STK11IP: variants seen among roughly 807,000 people sequenced by gnomAD.
STK11IP encodes serine/threonine kinase 11 interacting protein, also known as serine/threonine-protein kinase 11-interacting protein.
STK11IP carries 103 observed loss-of-function variants against 131.7 expected under a neutral mutation model. That is an observed-to-expected ratio of 0.78 (90% CI 0.67 to 0.92). The LOEUF is 0.92. Among genes scored for constraint, STK11IP ranks in the 40% least tolerant of loss-of-function variants. The pLI, the probability that STK11IP is intolerant of heterozygous loss-of-function variation, is 0.00. For synonymous variants in STK11IP, 557 were observed against 575.6 expected (o/e 0.97, Z 0.46); for missense variants, 1,315 against 1,385.7 (o/e 0.95, Z 0.81).
intron 17 of STK11IP, 191 bp downstream of exon 17, chr2:219,609,731 G>T: frequency 1.8e-6 from 1 of 558,822 alleles, no homozygotes; most frequent in Non-Finnish European, 3.0e-6. Context: ...AAAAAAAGAA[G>T]AAACTATATC....
chr2:219,607,062 C>G lies in STK11IP; in HGVS notation c.1144C>G (p.Arg382Gly). ...PLLHKVKSRV[R>G]VRRASISEPS... ...CCTCCACCAACCTCAGAGCCGAGTC[C>G]GTGTGAGGCGGGCAAGCATCTCTGA... The change falls in exon 13 of 25, where the codon CGT becomes GGT. Residue 382 changes from arginine to glycine, a missense_variant. Arg to Gly is a moderately radical substitution (Grantham distance 125). Coordinates refer to ENST00000456909, the MANE Select transcript of STK11IP (RefSeq NM_052902.4). 1 of 1,613,894 alleles carries G rather than the reference C, an allele frequency of 6.2e-7. No homozygotes were observed. The highest frequency in any genetic ancestry group is 1.3e-5 in the African/African-American group (1 of 75,032).
At chr2:219,612,495 C>T (rs114005520) in intron 19 of STK11IP, among the ~76,000 whole-genome samples, 5 of 152,332 alleles carry the variant, frequency 3.3e-5, no homozygotes, top group South Asian at 4.1e-4. Context: ...ATGCTGTAAT[C>T]GGGCTAAGGC....
At position 219,611,606 on chromosome 2, in the gene STK11IP, TCTC is replaced by T; in HGVS notation, c.2110_2112del (p.Pro704del). 2 of 1,610,078 alleles carry T rather than the reference TCTC, an allele frequency of 1.2e-6. No individual in the cohort carries two copies. Among genetic ancestry groups the T allele is most frequent in the Non-Finnish European group, 1.7e-6 (2 of 1,177,294 alleles). ...GACCGTGTCCATCCTCCCTCCAGAATCTCCTGCTGTGTGTCCTAACTGTGGTAG... is the reference window on the plus strand; with the variant it reads ...GACCGTGTCCATCCTCCCTCCAGAATCTGCTGTGTGTCCTAACTGTGGTAG... On this transcript the variant is annotated inframe_deletion, in exon 18 of 25. Transcript: ENST00000456909.
At chr2:219,611,212 A>G (rs913485132) in intron 17 of STK11IP, among the ~76,000 whole-genome samples, 2 of 152,218 alleles carry the variant, frequency 1.3e-5, no homozygotes, top group African/African-American at 4.8e-5. Flanking sequence ...TTGGCAACAG[A>G]GTTCTCTGCC....
chr2:219,605,189 C>T (rs1465088749), intron 7 of STK11IP, among the ~76,000 whole-genome samples: 1 of 152,118 alleles, frequency 6.6e-6, no homozygotes, highest in Non-Finnish European at 1.5e-5. Flanking sequence ...GGGCCTTGAG[C>T]AGAGCTGGGG....
chr2:219,604,390 C>T (rs1179031082), intron 7 of STK11IP, among the ~76,000 whole-genome samples: 2 of 152,102 alleles, frequency 1.3e-5, no homozygotes, highest in Non-Finnish European at 2.9e-5. Context: ...AAGGTGAGAA[C>T]CTCCTCTAAT....
At chr2:219,599,058 G>A (rs140736068) in intron 2 of STK11IP, among the ~76,000 whole-genome samples, 26 of 152,234 alleles carry the variant, frequency 1.7e-4, no homozygotes, top group African/African-American at 6.0e-4. Context: ...GACGATATCT[G>A]TGGAAGCTCT....
In STK11IP at chr2:219,598,090, C is replaced by T. The variant is rs767917397; in HGVS notation, c.-26-4C>T. 3 of 1,584,164 alleles carry T rather than the reference C, an allele frequency of 1.9e-6. No individual in the cohort carries two copies. The highest frequency in any genetic ancestry group is 1.4e-5 in the African/African-American group (1 of 73,588). On this transcript the variant is annotated splice_region_variant and splice_polypyrimidine_tract_variant and intron_variant, in intron 1 of 24. Coordinates refer to ENST00000456909, the MANE Select transcript of STK11IP (RefSeq NM_052902.4). ...GCTCTTCCGCTTCCTCTTTCCCCCC[C>T]CAGGCTCCGCCCCCCAGCGTCCCGT...
At chr2:219,611,279 T>C (rs543523091) in intron 17 of STK11IP, among the ~76,000 whole-genome samples, 1 of 152,302 alleles carries the variant, frequency 6.6e-6, no homozygotes, top group East Asian at 1.9e-4. Context: ...CCTGAAGTAC[T>C]TGATCAGCCC....
At position 219,606,279 on chromosome 2, in the gene STK11IP, G is replaced by T; in HGVS notation, c.934G>T (p.Ala312Ser). Reference protein sequence around the residue: ...AQYLSPRARDAATGFLLDGKV... With the variant: ...AQYLSPRARDSATGFLLDGKV... ...GTACTTGTCACCCCGGGCCAGGGAT[G>T]CTGCTACTGGCGTGAGTGATCGTCC... is the stretch of plus-strand genomic sequence containing the variant. The change falls in exon 10 of 25, where the codon GCT becomes TCT. Residue 312 changes from alanine to serine, a missense_variant. Transcript: ENST00000456909. The T allele has an allele frequency of 6.4e-7, 1 of 1,566,156 alleles. No homozygotes were observed. Among genetic ancestry groups the T allele is most frequent in the Non-Finnish European group, 8.7e-7 (1 of 1,155,046 alleles).
Position 219,616,290 on chromosome 2 carries a change from T to G in STK11IP, c.*97T>G, listed in dbSNP as rs916714195. On this transcript the variant is annotated 3_prime_UTR_variant, in exon 25 of 25. Coordinates refer to ENST00000456909, the MANE Select transcript of STK11IP (RefSeq NM_052902.4). The stretch of plus-strand genomic sequence containing the variant: ...CTGGCTTCCAGGCTCTGGCTGTGGA[T>G]GTCTTCAGCCTCTGGGTGCTGGCCA... 4 of 1,449,164 alleles carry G rather than the reference T, an allele frequency of 2.8e-6. No homozygotes were observed. The highest frequency in any genetic ancestry group is 4.7e-5 in the Admixed American group (2 of 42,576). The allele number at this position is 1,449,164 out of a possible 1,614,324, so 89.8% of individuals were successfully genotyped here. A position where few individuals can be genotyped will look rare whatever the true frequency, so the allele number is the denominator to read the frequency against.
At position 219,616,086 on chromosome 2, in the gene STK11IP, C is replaced by T; in HGVS notation, c.3160C>T (p.Gln1054Ter). The T allele has an allele frequency of 6.2e-7, 1 of 1,613,892 alleles. No homozygotes were observed. The highest frequency in any genetic ancestry group is 2.2e-5 in the East Asian group (1 of 44,884). Residue 1054 changes from glutamine (Q) to a stop codon, truncating the protein, a stop_gained, in exon 25 of 25, where the codon CAG becomes TAG. Coordinates refer to ENST00000456909, the MANE Select transcript of STK11IP (RefSeq NM_052902.4). LOFTEE classifies it high-confidence loss of function. ...ESFWALRVVC[Q>*]EQLTALLAWI... is the part of the protein sequence containing the mutation. ...CTTTTGGGCACTCCGTGTGGTGTGT[C>T]AGGAGCAGCTGACAGCCCTGCTTGC... is the stretch of plus-strand genomic sequence containing the variant.
In STK11IP at chr2:219,601,293, G is replaced by C. The variant is rs774957017; in HGVS notation, c.120G>C (p.Gln40His). The stretch of plus-strand genomic sequence containing the variant: ...GCCTGCTGACTCCCACACTGCAACA[G>C]CTGAACCACGTATTTGAGCTGCACC... ...TLSLLTPTLQ[Q>H]LNHVFELHLG... Residue 40 changes from glutamine to histidine, a missense_variant, in exon 3 of 25, where the codon CAG becomes CAC. Coordinates refer to ENST00000456909, the MANE Select transcript of STK11IP (RefSeq NM_052902.4). 1.4e-5 allele frequency: 23 copies of C among 1,614,064 alleles called. 1 individual carries two copies. The South Asian group carries it at 2.5e-4, about 18-fold the overall frequency.
Position 219,602,539 on chromosome 2 carries a change from C to G in STK11IP, c.510C>G (p.Phe170Leu). The G allele has an allele frequency of 6.2e-7, 1 of 1,614,038 alleles. No homozygotes were observed. The highest frequency in any genetic ancestry group is 1.3e-5 in the African/African-American group (1 of 75,058). ...GGCTGGCTCTGCTTTCTGCCAACTTCAGCTACAATGCACTGACCGCCTTAG... is the reference window on the plus strand; with the variant it reads ...GGCTGGCTCTGCTTTCTGCCAACTTGAGCTACAATGCACTGACCGCCTTAG... ...LPWLALLSANFSYNALTALDS... is the reference protein window; with the variant it reads ...LPWLALLSANLSYNALTALDS... The change falls in exon 6 of 25, where the codon TTC becomes TTG. Residue 170 changes from phenylalanine (F) to leucine (L), a missense_variant. Transcript: ENST00000456909.
chr2:219,612,131 A>G (rs1698419960), intron 19 of STK11IP, 73 bp downstream of exon 19: 1 of 1,376,282 alleles, frequency 7.3e-7, no homozygotes, highest in Admixed American at 2.0e-5. Context: ...CAGCCAACTG[A>G]GTCAGATCAA....
chr2:219,615,612 A>G, intron 24 of STK11IP: 1 of 653,810 alleles, frequency 1.5e-6, no homozygotes, highest in Non-Finnish European at 2.9e-6. Flanking sequence ...GGTTTCCGGC[A>G]GCTTTGAGTT....
At chr2:219,598,469 C>CTTTTATGAT in intron 2 of STK11IP, 1 of 356,264 alleles carries the variant, frequency 2.8e-6, no homozygotes, top group Non-Finnish European at 5.0e-6. Flanking sequence ...CCCCTCAGGA[C>CTTTTATGAT]CAGGGACTGA....
At chr2:219,614,716 G>T in intron 23 of STK11IP, 170 bp downstream of exon 23, 1 of 793,290 alleles carries the variant, frequency 1.3e-6, no homozygotes, top group Non-Finnish European at 2.2e-6. Context: ...AGTGTGCCCT[G>T]ACCCTCTGGG....
chr2:219,601,245 C>G lies in STK11IP; in HGVS notation c.72C>G (p.Val24=). The change falls in exon 3 of 25, where the codon GTC becomes GTG. Residue 24 remains valine, a synonymous_variant. Transcript: ENST00000456909. ...AGLLRESGDV[V]LSGCSTLSLL... ...CCCCTTTTTCTGCAGGGGATGTGGT[C>G]CTGTCTGGCTGTAGCACCCTGAGCC... 1 of 1,612,462 alleles carries G rather than the reference C, an allele frequency of 6.2e-7. No homozygotes were observed. Among genetic ancestry groups the G allele is most frequent in the Non-Finnish European group, 8.5e-7 (1 of 1,178,646 alleles).
Sources: gnomAD v4.1 joint callset for allele counts (sites outside exome capture counted in the v4.1 genomes callset) on GRCh38, gnomAD v4.1.1 for gene constraint, MANE v1.5 for transcripts, NCBI Gene and HGNC (gene_info 2026-07-23, HGNC 2026-07-21) for gene names.